TMEFF1: variants seen among roughly 807,000 people sequenced by gnomAD.
The protein encoded by TMEFF1 is tomoregulin-1.
TMEFF1 carries 20 observed loss-of-function variants against 47.5 expected under a neutral mutation model. The ratio of observed to expected loss-of-function variants is 0.42; its 90% CI spans 0.30 to 0.61. The LOEUF (loss-of-function observed/expected upper bound fraction) is 0.61. TMEFF1 is among the 20% of genes least tolerant of loss of function. The probability of loss-of-function intolerance (pLI) is 0.19; values close to 1 mark genes in which losing one functional copy is unlikely to be tolerated. For missense variants in TMEFF1, 411 were observed against 471.1 expected, an observed-to-expected ratio of 0.87 and a Z score of 1.18; for synonymous variants, 162 against 166.3, an observed-to-expected ratio of 0.97 and a Z score of 0.20.
At chr9:100,500,324 G>A (rs1039448705) in intron 2 of TMEFF1, among the ~76,000 whole-genome samples, 2 of 152,056 alleles carry the variant, frequency 1.3e-5, no homozygotes, top group African/African-American at 4.8e-5. Flanking sequence ...GAAATATTTT[G>A]TCATTATTTC....
intron 8 of TMEFF1, among the ~76,000 whole-genome samples, chr9:100,567,768 G>A (rs146374796): frequency 6.6e-6 from 1 of 152,178 alleles, no homozygotes; most frequent in Admixed American, 6.5e-5. Context: ...GGTATTAGGA[G>A]AGTGTATTAG....
intron 5 of TMEFF1, among the ~76,000 whole-genome samples, chr9:100,527,571 A>C (rs1296487406): frequency 6.6e-6 from 1 of 152,124 alleles, no homozygotes. Flanking sequence ...TATATCCCGC[A>C]CCTGGCTCGG....
At chr9:100,507,643 T>C (rs890370336) in intron 2 of TMEFF1, among the ~76,000 whole-genome samples, 2 of 152,250 alleles carry the variant, frequency 1.3e-5, no homozygotes, top group African/African-American at 4.8e-5. Flanking sequence ...GTCACTTGTA[T>C]GTCTTCTTTT....
chr9:100,494,319 T>C (rs1837613430), intron 1 of TMEFF1, among the ~76,000 whole-genome samples: 1 of 152,060 alleles, frequency 6.6e-6, no homozygotes, highest in African/African-American at 2.4e-5. Context: ...TTTAAGACCA[T>C]TGCTTAGAAA....
intron 5 of TMEFF1, among the ~76,000 whole-genome samples, chr9:100,542,572 C>G (rs1488293890): frequency 6.6e-6 from 1 of 152,216 alleles, no homozygotes; most frequent in Admixed American, 6.5e-5. Flanking sequence ...ATAGCAGGTA[C>G]TATTTCACTT....
intron 8 of TMEFF1, among the ~76,000 whole-genome samples, chr9:100,563,850 T>C (rs1839069142): frequency 6.6e-6 from 1 of 152,220 alleles, no homozygotes; most frequent in Admixed American, 6.5e-5. Context: ...TCTTAAATGC[T>C]AAAGAATCCC....
intron 4 of TMEFF1, among the ~76,000 whole-genome samples, chr9:100,515,243 G>C (rs572889413): frequency 6.6e-6 from 1 of 152,212 alleles, no homozygotes; most frequent in South Asian, 2.1e-4. Flanking sequence ...AGGGCTAAGT[G>C]GTTTGCCCCA....
At chr9:100,519,161 C>G (rs1057462309) in intron 5 of TMEFF1, among the ~76,000 whole-genome samples, 25 of 152,158 alleles carry the variant, frequency 1.6e-4, no homozygotes, top group African/African-American at 5.8e-4. Flanking sequence ...TGCCTGTAAT[C>G]TCAATCTCAG....
intron 2 of TMEFF1, among the ~76,000 whole-genome samples, chr9:100,505,638 A>G (rs1342114904): frequency 6.6e-6 from 1 of 152,184 alleles, no homozygotes; most frequent in East Asian, 1.9e-4. Context: ...CTTTTGTTGT[A>G]TGGAACTGTC....
intron 7 of TMEFF1, among the ~76,000 whole-genome samples, chr9:100,560,454 G>T (rs1838994743): frequency 6.6e-6 from 1 of 152,028 alleles, no homozygotes; most frequent in Non-Finnish European, 1.5e-5. Flanking sequence ...GCGGAATTCT[G>T]GGTCCTTTGA....
chr9:100,543,422 G>A (rs1017223419), intron 5 of TMEFF1, among the ~76,000 whole-genome samples: 4 of 151,372 alleles, frequency 2.6e-5, no homozygotes, highest in African/African-American at 7.3e-5. Context: ...TTTAAAAATC[G>A]ATTTGTTCTC....
chr9:100,548,760 A>G (rs1291234831), intron 6 of TMEFF1, among the ~76,000 whole-genome samples: 1 of 152,234 alleles, frequency 6.6e-6, no homozygotes, highest in Non-Finnish European at 1.5e-5. Context: ...GTGACACACT[A>G]CACAATTGAT....
At chr9:100,507,840 C>T (rs1333448270) in intron 2 of TMEFF1, among the ~76,000 whole-genome samples, 1 of 152,092 alleles carries the variant, frequency 6.6e-6, no homozygotes, top group Non-Finnish European at 1.5e-5. Flanking sequence ...TTATAAATTT[C>T]TGTTGGAAAT....
chr9:100,527,005 T>C (rs188626507), intron 5 of TMEFF1, among the ~76,000 whole-genome samples: 171 of 126,532 alleles, frequency 1.4e-3, no homozygotes, highest in Non-Finnish European at 2.3e-3. Context: ...TAGCCGGGCG[T>C]GGTGGCACAT....
intron 1 of TMEFF1, among the ~76,000 whole-genome samples, chr9:100,487,146 T>A (rs561939191): frequency 2.2e-4 from 33 of 151,980 alleles, no homozygotes; most frequent in Middle Eastern, 3.4e-3. Context: ...TTTTATTTTT[T>A]AAAAAATTTT....
At chr9:100,521,532 A>G (rs902976644) in intron 5 of TMEFF1, among the ~76,000 whole-genome samples, 3 of 152,168 alleles carry the variant, frequency 2.0e-5, no homozygotes, top group Admixed American at 1.3e-4. Flanking sequence ...CTTAAACCAC[A>G]TATTCTTAGT....
At chr9:100,553,300 T>G (rs908196401) in intron 7 of TMEFF1, among the ~76,000 whole-genome samples, 1 of 152,226 alleles carries the variant, frequency 6.6e-6, no homozygotes, top group African/African-American at 2.4e-5. Context: ...TTACCTCATT[T>G]ACTTTTATTT....
intron 2 of TMEFF1, 24 bp downstream of exon 2, chr9:100,498,898 A>G (rs775046802): frequency 6.2e-7 from 1 of 1,603,836 alleles, no homozygotes; most frequent in African/African-American, 1.4e-5. Flanking sequence ...GCCTATTTTG[A>G]AAAGTTTTAT....
At chr9:100,521,512 A>G (rs558981890) in intron 5 of TMEFF1, among the ~76,000 whole-genome samples, 1 of 152,288 alleles carries the variant, frequency 6.6e-6, no homozygotes, top group East Asian at 1.9e-4. Context: ...CTTTACAGCA[A>G]CTTGTATTTC....
Sources: allele counts gnomAD v4.1 joint callset (sites outside exome capture counted in the v4.1 genomes callset), GRCh38; gene constraint gnomAD v4.1.1; transcripts MANE v1.5; gene names NCBI Gene and HGNC (gene_info 2026-07-23, HGNC 2026-07-21).